LHFPL3: variants seen among roughly 807,000 people sequenced by gnomAD.
LHFPL3 encodes the protein LHFPL tetraspan subfamily member 3 protein.
In LHFPL3, 5 loss-of-function variants were observed where a neutral mutation model predicts 19.3. The observed-to-expected ratio is 0.26, with a 90% confidence interval of 0.14 to 0.54. The LOEUF (loss-of-function observed/expected upper bound fraction) is 0.54. Ranked by LOEUF, LHFPL3 falls within the 20% of genes least tolerant of loss-of-function variation. LHFPL3 has a pLI of 0.94. For missense variants in LHFPL3, 249 were observed against 307.4 expected (o/e 0.81, Z 1.42); for synonymous variants, 133 against 126.2 (o/e 1.05, Z -0.36).
chr7:104,597,591 A>G (rs1790888579), intron 1 of LHFPL3, among the ~76,000 whole-genome samples: 1 of 152,192 alleles, frequency 6.6e-6, no homozygotes, highest in African/African-American at 2.4e-5. Flanking sequence ...GATTTCTTTC[A>G]TTGAAAGGAA....
chr7:104,681,519 G>A (rs966625273), intron 1 of LHFPL3, among the ~76,000 whole-genome samples: 6 of 151,998 alleles, frequency 3.9e-5, no homozygotes, highest in Non-Finnish European at 7.4e-5. Context: ...CTACTCAGGA[G>A]GCTGAGGCAG....
intron 1 of LHFPL3, among the ~76,000 whole-genome samples, chr7:104,588,693 TA>T (rs1790639083): frequency 6.6e-6 from 1 of 152,210 alleles, no homozygotes; most frequent in Non-Finnish European, 1.5e-5. Flanking sequence ...ATTGAATCTA[TA>T]AATTACCTTG....
intron 1 of LHFPL3, among the ~76,000 whole-genome samples, chr7:104,417,513 T>C (rs1274051811): frequency 6.6e-6 from 1 of 152,246 alleles, no homozygotes; most frequent in African/African-American, 2.4e-5. Context: ...GTTTATACTT[T>C]CCATTTCTTC....
At position 104,731,873 on chromosome 7, in the gene LHFPL3, C is replaced by T. The variant is rs569537934; in HGVS notation, c.446-4802C>T. Among the ~76,000 whole-genome samples the T allele has an allele frequency of 4.3e-3, 657 of 152,076 alleles. 20 individuals are homozygous for T. Among genetic ancestry groups the T allele is most frequent in the East Asian group, 1.4e-3 (7 of 5,172 alleles). On this transcript the variant is annotated intron_variant, in intron 1 of 2. Coordinates refer to ENST00000424859, the MANE Select transcript of LHFPL3 (RefSeq NM_199000.3). ...TTGGCTGTGGGTTTGTCATAAATAG[C>T]TCTTATTATTTTGAGATACGTCTCA... is the stretch of plus-strand genomic sequence containing the variant.
intron 1 of LHFPL3, among the ~76,000 whole-genome samples, chr7:104,597,726 A>G (rs762768223): frequency 6.6e-6 from 1 of 152,214 alleles, no homozygotes; most frequent in Non-Finnish European, 1.5e-5. Context: ...TTGCATAGTG[A>G]CATTGCTGGC....
intron 2 of LHFPL3, among the ~76,000 whole-genome samples, chr7:104,763,541 C>T (rs999214952): frequency 1.3e-5 from 2 of 152,242 alleles, no homozygotes; most frequent in African/African-American, 4.8e-5. Flanking sequence ...CCTCTGCACA[C>T]CACTTAGCCT....
chr7:104,860,756 C>T (rs1490264907), intron 2 of LHFPL3, among the ~76,000 whole-genome samples: 1 of 152,154 alleles, frequency 6.6e-6, no homozygotes, highest in Non-Finnish European at 1.5e-5. Flanking sequence ...CCAGTGAATG[C>T]CTGTCTCTCT....
At position 104,338,125 on chromosome 7, in the gene LHFPL3, G is replaced by C. The variant is rs1789871254; in HGVS notation, c.445+8901G>C. ...TTTTTTTTTTTTTTTTTGAGACGGA[G>C]TCTCGCTCTGTCACCCAGGCTGGAG... is the stretch of plus-strand genomic sequence containing the variant. On this transcript the variant is annotated intron_variant, in intron 1 of 2. Coordinates refer to ENST00000424859, the MANE Select transcript of LHFPL3 (RefSeq NM_199000.3). Among the ~76,000 whole-genome samples the C allele has an allele frequency of 2.6e-5, 3 of 114,624 alleles. No individual in the cohort carries two copies. In the South Asian group the frequency reaches 9.3e-4, roughly 36 times the overall value. 75.2% of individuals were successfully genotyped at this position (114,624 alleles called of 152,430 possible).
At chr7:104,679,032 C>T (rs575251213) in intron 1 of LHFPL3, among the ~76,000 whole-genome samples, 1 of 152,322 alleles carries the variant, frequency 6.6e-6, no homozygotes, top group Admixed American at 6.5e-5. Context: ...TAATCCAAAA[C>T]TTCGCAACTT....
intron 2 of LHFPL3, among the ~76,000 whole-genome samples, chr7:104,796,011 C>T (rs1349166719): frequency 6.6e-6 from 1 of 152,144 alleles, no homozygotes; most frequent in Non-Finnish European, 1.5e-5. Flanking sequence ...AGTGCCGGGG[C>T]TTCTGCCTTT....
chr7:104,531,263 G>A (rs778669484), intron 1 of LHFPL3, among the ~76,000 whole-genome samples: 2 of 152,058 alleles, frequency 1.3e-5, no homozygotes, highest in South Asian at 2.1e-4. Context: ...AGCTCACTTC[G>A]TCAGCTAAGA....
chr7:104,513,602 C>T (rs549112973), intron 1 of LHFPL3, among the ~76,000 whole-genome samples: 3 of 152,288 alleles, frequency 2.0e-5, no homozygotes, highest in Admixed American at 6.5e-5. Flanking sequence ...ATGCATCAAG[C>T]GGAGGCAATA....
intron 1 of LHFPL3, among the ~76,000 whole-genome samples, chr7:104,731,925 T>C (rs1463606768): frequency 6.6e-6 from 1 of 152,242 alleles, no homozygotes; most frequent in Non-Finnish European, 1.5e-5. Flanking sequence ...TGAGAGTTTT[T>C]AGCATGAAGG....
chr7:104,871,549 C>T (rs1301877163), intron 2 of LHFPL3, among the ~76,000 whole-genome samples: 1 of 152,132 alleles, frequency 6.6e-6, no homozygotes, highest in Non-Finnish European at 1.5e-5. Flanking sequence ...ATAAAATTAA[C>T]CTTAGCTTAC....
At chr7:104,590,047 CT>C (rs1459684591) in intron 1 of LHFPL3, among the ~76,000 whole-genome samples, 2 of 152,106 alleles carry the variant, frequency 1.3e-5, no homozygotes, top group African/African-American at 2.4e-5. Flanking sequence ...TTTTGTTGAT[CT>C]TTTCAAAAAA....
intron 1 of LHFPL3, among the ~76,000 whole-genome samples, chr7:104,620,034 T>C (rs1228973620): frequency 6.6e-6 from 1 of 152,192 alleles, no homozygotes; most frequent in Non-Finnish European, 1.5e-5. Flanking sequence ...AGGCAGAGCT[T>C]AGGCCATAAT....
At chr7:104,786,754 T>C (rs1789925370) in intron 2 of LHFPL3, among the ~76,000 whole-genome samples, 1 of 151,404 alleles carries the variant, frequency 6.6e-6, no homozygotes, top group Non-Finnish European at 1.5e-5. Flanking sequence ...AAGATTTATA[T>C]ACCCAATAAT....
intron 1 of LHFPL3, among the ~76,000 whole-genome samples, chr7:104,702,393 A>C (rs887145702): frequency 6.6e-6 from 1 of 152,064 alleles, no homozygotes; most frequent in Non-Finnish European, 1.5e-5. Flanking sequence ...CTCTTGTCAC[A>C]GCTTTCCTCA....
chr7:104,517,386 A>G (rs891410359), intron 1 of LHFPL3, among the ~76,000 whole-genome samples: 6 of 148,796 alleles, frequency 4.0e-5, no homozygotes, highest in Non-Finnish European at 8.9e-5. Flanking sequence ...TAGGTGATGT[A>G]TTAATTTTAT....
Sources: allele counts gnomAD v4.1 joint callset (sites outside exome capture counted in the v4.1 genomes callset), GRCh38; gene constraint gnomAD v4.1.1; transcripts MANE v1.5; gene names NCBI Gene and HGNC (gene_info 2026-07-23, HGNC 2026-07-21).